The following PAN3 variants were observed in gnomAD, a reference collection of about 807,000 sequenced individuals.
PAN3 encodes PAN2-PAN3 deadenylation complex subunit PAN3.
PAN3 carries 19 observed loss-of-function variants against 96.2 expected under a neutral mutation model. The observed-to-expected ratio is 0.20, with a 90% CI of 0.14 to 0.29. The LOEUF is 0.29. Ranked by LOEUF, PAN3 falls within the 10% of genes least tolerant of loss-of-function variation. The pLI is 1.00. For missense variants in PAN3, 882 were observed against 1,108.1 expected (o/e 0.80, Z 2.90); for synonymous variants, 433 against 406.6 (o/e 1.06, Z -0.78).
intron 6 of PAN3, among the ~76,000 whole-genome samples, chr13:28,249,641 G>T (rs1884532780): frequency 6.6e-6 from 1 of 151,914 alleles, no homozygotes; most frequent in South Asian, 2.1e-4. Flanking sequence ...GTAGAGACGG[G>T]GTTTCACCAT....
chr13:28,166,481 A>G (rs574206057), intron 1 of PAN3, among the ~76,000 whole-genome samples: 9 of 151,956 alleles, frequency 5.9e-5, no homozygotes, highest in Non-Finnish European at 8.8e-5. Context: ...CCTTAATGCA[A>G]CTCTCACAGG....
chr13:28,197,166 CT>C lies in PAN3; in HGVS notation c.691-16del. On this transcript the variant is annotated intron_variant, in intron 4 of 18. Transcript: ENST00000380958. ...GGGGATGTTAGGAGTGGCCTGGTTT[CT>C]TTCCTTCTTTTTCCTAGCCAAGGAA... 1 of 1,608,672 alleles carries C rather than the reference CT, an allele frequency of 6.2e-7. No individual in the cohort carries two copies. Among genetic ancestry groups the C allele is most frequent in the Non-Finnish European group, 8.5e-7 (1 of 1,177,452 alleles).
intron 4 of PAN3, among the ~76,000 whole-genome samples, chr13:28,187,945 C>T (rs1027497933): frequency 6.6e-6 from 1 of 152,182 alleles, no homozygotes; most frequent in African/African-American, 2.4e-5. Context: ...CCTCCTGTGT[C>T]AGCCTCCCAA....
intron 5 of PAN3, among the ~76,000 whole-genome samples, chr13:28,213,055 G>A (rs1880240999): frequency 6.6e-6 from 1 of 151,986 alleles, no homozygotes; most frequent in Non-Finnish European, 1.5e-5. Context: ...CATTTTTGAG[G>A]AATAACAATA....
chr13:28,288,244 C>T (rs566958159), intron 18 of PAN3, 122 bp downstream of exon 18: 19 of 836,272 alleles, frequency 2.3e-5, no homozygotes, highest in South Asian at 1.3e-4. Flanking sequence ...GCCTGTAAGA[C>T]GTTTTATTAA....
chr13:28,253,182 A>G (rs1298534255), intron 6 of PAN3, among the ~76,000 whole-genome samples: 1 of 152,236 alleles, frequency 6.6e-6, no homozygotes, highest in Admixed American at 6.5e-5. Flanking sequence ...TTTTAAATTA[A>G]GAATTCTTAA....
At chr13:28,259,440 G>A (rs1376900732) in intron 7 of PAN3, among the ~76,000 whole-genome samples, 1 of 151,714 alleles carries the variant, frequency 6.6e-6, no homozygotes, top group Non-Finnish European at 1.5e-5. Context: ...CGAGTAACTG[G>A]GAGTACAGGT....
intron 6 of PAN3, among the ~76,000 whole-genome samples, chr13:28,250,602 G>A (rs924406630): frequency 2.0e-5 from 3 of 152,032 alleles, no homozygotes; most frequent in African/African-American, 7.2e-5. Context: ...CCTGACCTCA[G>A]GTGACCCACC....
intron 4 of PAN3, among the ~76,000 whole-genome samples, chr13:28,178,423 T>A (rs1393504678): frequency 6.6e-6 from 1 of 152,136 alleles, no homozygotes; most frequent in Non-Finnish European, 1.5e-5. Flanking sequence ...TTAATTTTAT[T>A]TGGAATTTAG....
In PAN3 at chr13:28,139,052, G is replaced by A; in HGVS notation, c.395G>A (p.Gly132Asp). ...ACCGGAGCCGCAGCCGGCGGAGGAGGCAGTAGCGGGGGACTCGATGGACCG... is the reference window on the plus strand; with the variant it reads ...ACCGGAGCCGCAGCCGGCGGAGGAGACAGTAGCGGGGGACTCGATGGACCG... ...PGTGAAAGGG[G>D]SSGGLDGPRL... The change falls in exon 1 of 19, where the codon GGC becomes GAC. Residue 132 changes from glycine (G) to aspartate (D), a missense_variant. Gly to Asp is a moderately conservative substitution (Grantham distance 94, BLOSUM62 -1). Around this residue, in one of 3 missense-constraint regions of PAN3, gnomAD observed 442 missense variants for 422.8 expected, o/e 1.05. Coordinates refer to ENST00000380958, the MANE Select transcript of PAN3 (RefSeq NM_175854.8). 1 of 1,277,308 alleles carries A rather than the reference G, an allele frequency of 7.8e-7. No homozygotes were observed. The allele number at this position is 1,277,308 out of a possible 1,614,324, so 79.1% of individuals were successfully genotyped here. A position where few individuals can be genotyped will look rare whatever the true frequency, so the allele number is the denominator to read the frequency against.
intron 13 of PAN3, 142 bp downstream of exon 13, chr13:28,271,008 C>G (rs1886576634): frequency 2.2e-6 from 2 of 900,478 alleles, no homozygotes; most frequent in East Asian, 5.8e-5. Flanking sequence ...CATTTGTAAG[C>G]TTTTTAAAGA....
At chr13:28,231,559 T>G (rs1038585983) in intron 6 of PAN3, among the ~76,000 whole-genome samples, 2 of 152,220 alleles carry the variant, frequency 1.3e-5, no homozygotes, top group African/African-American at 4.8e-5. Context: ...AGATAGATAT[T>G]CAGCCAAAAT....
chr13:28,226,948 TAAC>T (rs1253900750), intron 6 of PAN3, among the ~76,000 whole-genome samples: 2 of 152,226 alleles, frequency 1.3e-5, no homozygotes, highest in Non-Finnish European at 2.9e-5. Context: ...ACAAGTAAAT[TAAC>T]AACTATTTTA....
intron 4 of PAN3, among the ~76,000 whole-genome samples, chr13:28,190,170 C>T (rs1177049414): frequency 6.6e-6 from 1 of 152,080 alleles, no homozygotes; most frequent in Admixed American, 6.5e-5. Flanking sequence ...GTCTGGAACT[C>T]CTGACCTCAG....
At chr13:28,172,040 C>G (rs755830213) in intron 1 of PAN3, among the ~76,000 whole-genome samples, 1 of 152,074 alleles carries the variant, frequency 6.6e-6, no homozygotes, top group Non-Finnish European at 1.5e-5. Context: ...AATATTTGAA[C>G]AAAAGATGCT....
In PAN3 at chr13:28,138,713, C is replaced by G. The variant is rs985461439; in HGVS notation, c.56C>G (p.Ser19Cys). The stretch of plus-strand genomic sequence containing the variant: ...TCGGCCGCCGCCTCCCCTTCCTCCT[C>G]CTCGCTGGCGGCGGCGGTGGCGGTG... The part of the protein sequence containing the change: ...PPSAAASPSS[S>C]SLAAAVAVVA... Residue 19 changes from serine to cysteine, a missense_variant, in exon 1 of 19, where the codon TCC (serine) becomes TGC (cysteine). Ser to Cys is a moderately radical substitution (Grantham distance 112). Coordinates refer to ENST00000380958, the MANE Select transcript of PAN3 (RefSeq NM_175854.8). 2 of 1,216,318 alleles carry G rather than the reference C, an allele frequency of 1.6e-6. No homozygotes were observed. Among genetic ancestry groups the G allele is most frequent in the African/African-American group, 1.6e-5 (1 of 62,058 alleles). 75.3% of individuals were successfully genotyped at this position (1,216,318 alleles called of 1,614,324 possible).
At chr13:28,197,807 T>G (rs1412683643) in intron 5 of PAN3, among the ~76,000 whole-genome samples, 1 of 152,044 alleles carries the variant, frequency 6.6e-6, no homozygotes, top group Non-Finnish European at 1.5e-5. Context: ...CTACCTCAGG[T>G]GATCTCTGCC....
intron 2 of PAN3, among the ~76,000 whole-genome samples, chr13:28,175,495 C>T (rs1048963905): frequency 6.6e-6 from 1 of 152,258 alleles, no homozygotes; most frequent in Middle Eastern, 3.4e-3. Flanking sequence ...ATCCTCCTGC[C>T]GTGGCCTCCC....
chr13:28,196,683 AAAC>A (rs1033087058), intron 4 of PAN3, among the ~76,000 whole-genome samples: 4 of 152,218 alleles, frequency 2.6e-5, no homozygotes, highest in African/African-American at 7.2e-5. Flanking sequence ...ATTTATTAGG[AAAC>A]AACTGCGTTT....
Sources: allele counts gnomAD v4.1 joint callset (sites outside exome capture counted in the v4.1 genomes callset), GRCh38; gene constraint gnomAD v4.1.1; regional missense constraint gnomAD v4.1.1; transcripts MANE v1.5; gene names NCBI Gene and HGNC (gene_info 2026-07-23, HGNC 2026-07-21).